Variants in LEFTY1 observed in about 807,000 individuals in gnomAD.
The protein encoded by LEFTY1 is left-right determination factor 1.
In LEFTY1, 18 loss-of-function variants were observed where a neutral mutation model predicts 22.6. The ratio of observed to expected loss-of-function variants is 0.80; its 90% CI spans 0.55 to 1.18. The LOEUF is 1.18. LEFTY1 is among the 50% of genes most tolerant of loss of function. LEFTY1 has a pLI of 0.00. For synonymous variants in LEFTY1, 201 were observed against 231.5 expected (o/e 0.87, Z 1.20); for missense variants, 414 against 495.4 (o/e 0.84, Z 1.56).
chr1:225,887,586 C>A lies in LEFTY1; in HGVS notation c.550G>T (p.Val184Leu). Residue 184 changes from valine (V) to leucine (L), a missense_variant, in exon 3 of 4, where the codon GTG becomes TTG. By Grantham distance (32) the Val-to-Leu change is conservative (BLOSUM62 1). Transcript: ENST00000272134. The part of the protein sequence containing the change: ...GWKAFDVTEA[V>L]NFWQQLSRPR... ...CGGCTCAGCTGCTGCCAGAAGTTCA[C>A]GGCCTCGGTCACGTCGAAGGCCTTC... 6.2e-7 allele frequency: 1 copy of A among 1,611,452 alleles called. No homozygotes were observed.
At position 225,889,041 on chromosome 1, in the gene LEFTY1, G is replaced by A. The variant is rs770751773; in HGVS notation, c.26C>T (p.Ala9Val). ...GCTGGCCAGGGGCAACACCCAGAGTGCCCAGCAGAGCCACAGGGGCTGCAT... is the reference window on the plus strand; with the variant it reads ...GCTGGCCAGGGGCAACACCCAGAGTACCCAGCAGAGCCACAGGGGCTGCAT... MQPLWLCW[A>V]LWVLPLASPG... The change falls in exon 1 of 4, where the codon GCA becomes GTA. Residue 9 changes from alanine (A) to valine (V), a missense_variant. Coordinates refer to ENST00000272134, the MANE Select transcript of LEFTY1 (RefSeq NM_020997.4). 3 of 1,485,002 alleles carry A rather than the reference G, an allele frequency of 2.0e-6. No individual in the cohort carries two copies. Among genetic ancestry groups the A allele is most frequent in the African/African-American group, 2.8e-5 (2 of 71,866 alleles). 92.0% of individuals were successfully genotyped at this position (1,485,002 alleles called of 1,614,324 possible). A position where few individuals can be genotyped will look rare whatever the true frequency, so the allele number is the denominator to read the frequency against.
In LEFTY1 at chr1:225,886,971, G is replaced by A. The variant is rs146082781; in HGVS notation, c.857C>T (p.Pro286Leu). The change falls in exon 4 of 4, where the codon CCG (proline) becomes CTG (leucine). Residue 286 changes from proline (P) to leucine (L), a missense_variant. Transcript: ENST00000272134. ...KWAENWVLEP[P>L]GFLAYECVGT... is the part of the protein sequence containing the mutation. ...CACACACTCATAAGCCAGGAAGCCC[G>A]GGGGCTCCAGCACCCAGTTCTCGGC... 6.8e-6 allele frequency: 11 copies of A among 1,611,374 alleles called. No individual in the cohort carries two copies. Among genetic ancestry groups the A allele is most frequent in the African/African-American group, 2.7e-5 (2 of 74,858 alleles).
rs1203157266 is a variant in LEFTY1, at chr1:225,886,858, G to T, written c.970C>A (p.Leu324Met). Residue 324 changes from leucine (L) to methionine (M), a missense_variant, in exon 4 of 4, where the codon CTG becomes ATG. Leu to Met is a conservative substitution (Grantham distance 15, BLOSUM62 2). This residue lies in a region of LEFTY1 where 398 missense variants were observed against 454.7 expected (regional missense o/e 0.88). Coordinates refer to ENST00000272134, the MANE Select transcript of LEFTY1 (RefSeq NM_020997.4). The part of the protein sequence containing the change: ...RQCIASETDS[L>M]PMIVSIKEGG... ...TCCTTGATGCTGACGATCATGGGCA[G>T]CGAGTCAGTCTCCGAGGCGATGCAC... 1 of 1,613,960 alleles carries T rather than the reference G, an allele frequency of 6.2e-7. No homozygotes were observed. Among genetic ancestry groups the T allele is most frequent in the Non-Finnish European group, 8.5e-7 (1 of 1,180,040 alleles).
At chr1:225,888,672 G>C in intron 1 of LEFTY1, 145 bp downstream of exon 1, 1 of 1,114,500 alleles carries the variant, frequency 9.0e-7, no homozygotes, top group South Asian at 1.6e-5. Context: ...TCACAGGCCC[G>C]GCCCCACCTC....
In LEFTY1 at chr1:225,887,883, C is replaced by G. The variant is rs765027290; in HGVS notation, c.400G>C (p.Gly134Arg). ...PVPKAALHRH[G>R]RLSPRSARAR... is the part of the protein sequence containing the mutation. Reference sequence around the variant, plus strand: ...CGGGCGCTGCGCGGGGACAGCCGCCCGTGCCTGTGCAGCGCGGCCTTGGGG... The same window carrying G: ...CGGGCGCTGCGCGGGGACAGCCGCCGGTGCCTGTGCAGCGCGGCCTTGGGG... The change falls in exon 2 of 4, where the codon GGG becomes CGG. Residue 134 changes from glycine (G) to arginine (R), a missense_variant. Coordinates refer to ENST00000272134, the MANE Select transcript of LEFTY1 (RefSeq NM_020997.4). 1.1e-4 allele frequency: 170 copies of G among 1,533,522 alleles called. No individual in the cohort carries two copies. Among genetic ancestry groups the G allele is most frequent in the Non-Finnish European group, 1.4e-4 (164 of 1,146,750 alleles). The allele number at this position is 1,533,522 out of a possible 1,614,324, so 95.0% of individuals were successfully genotyped here. A position where few individuals can be genotyped will look rare whatever the true frequency, so the allele number is the denominator to read the frequency against.
chr1:225,886,633 CCATCAGCAGTTCAGT>C lies in LEFTY1; in HGVS notation c.*79_*93del, dbSNP rs1671283217. 3.2e-6 allele frequency: 5 copies of C among 1,581,472 alleles called. No homozygotes were observed. The African/African-American group carries it at 5.4e-5, about 17-fold the overall frequency. ...TCACTAGAGAGCACAGAGCATTTGT[CCATCAGCAGTTCAGT>C]CATCGCCAGCTCTCCTGGTACCCTC... On this transcript the variant is annotated 3_prime_UTR_variant, in exon 4 of 4. Transcript: ENST00000272134.
rs1671339136 is a variant in LEFTY1, at chr1:225,888,825, C to T, written c.242G>A (p.Ser81Asn). The T allele has an allele frequency of 2.5e-6, 4 of 1,613,234 alleles. No homozygotes were observed. Among genetic ancestry groups the T allele is most frequent in the Non-Finnish European group, 3.4e-6 (4 of 1,179,790 alleles). The change falls in exon 1 of 4, where the codon AGC becomes AAC. Residue 81 changes from serine to asparagine, a missense_variant. This residue lies in a region of LEFTY1 where 398 missense variants were observed against 454.7 expected (regional missense o/e 0.88). Coordinates refer to ENST00000272134, the MANE Select transcript of LEFTY1 (RefSeq NM_020997.4). The part of the protein sequence containing the change: ...DRSRGKRFSQ[S>N]FREVAGRFLA... ...GGGAGGGAGGGCCTCACCTCGGAAGCTCTGGCTGAACCTCTTTCCGCGGGA... is the reference window on the plus strand; with the variant it reads ...GGGAGGGAGGGCCTCACCTCGGAAGTTCTGGCTGAACCTCTTTCCGCGGGA...
chr1:225,888,643 T>C (rs1324363600), intron 1 of LEFTY1, among the ~76,000 whole-genome samples, 174 bp downstream of exon 1: 3 of 152,178 alleles, frequency 2.0e-5, no homozygotes, highest in African/African-American at 7.2e-5. Flanking sequence ...CACCGCTGCA[T>C]GCTGAGGCCC....
rs148425461 is a variant in LEFTY1 at position 225,886,572 on chromosome 1, G to C, written c.*155C>G. On this transcript the variant is annotated 3_prime_UTR_variant, in exon 4 of 4. Coordinates refer to ENST00000272134, the MANE Select transcript of LEFTY1 (RefSeq NM_020997.4). The stretch of plus-strand genomic sequence containing the variant: ...TCTCATTCCTGAGAAGCAAAAATTA[G>C]GTGAGGTAACTTGTCAGAGGAAGCA... 1 of 1,428,466 alleles carries C rather than the reference G, an allele frequency of 7.0e-7. No individual in the cohort carries two copies. Among genetic ancestry groups the C allele is most frequent in the African/African-American group, 1.4e-5 (1 of 69,952 alleles). The allele number at this position is 1,428,466 out of a possible 1,614,324, so 88.5% of individuals were successfully genotyped here.
In LEFTY1 at chr1:225,886,935, C is replaced by T. The variant is rs61739581; in HGVS notation, c.893G>A (p.Arg298Gln). Residue 298 changes from arginine (R) to glutamine (Q), a missense_variant, in exon 4 of 4, where the codon CGG becomes CAG. Arg to Gln is a conservative substitution (Grantham distance 43). Transcript: ENST00000272134. Reference sequence around the variant, plus strand: ...GAAGGCCAGGGCCTCCGGGGGCTGCCGGCAGGTGCCCACACACTCATAAGC... The same window carrying T: ...GAAGGCCAGGGCCTCCGGGGGCTGCTGGCAGGTGCCCACACACTCATAAGC... The part of the protein sequence containing the change: ...FLAYECVGTC[R>Q]QPPEALAFKW... 19,011 of 1,613,620 alleles carry T rather than the reference C, an allele frequency of 0.012. 1,782 individuals are homozygous for T. The African/African-American group carries it at 0.21, about 18-fold the overall frequency.
chr1:225,888,679 C>T, intron 1 of LEFTY1, 138 bp downstream of exon 1: 2 of 1,195,706 alleles, frequency 1.7e-6, no homozygotes, highest in Non-Finnish European at 2.3e-6. Context: ...CCCGGCCCCA[C>T]CTCACTGCCC....
Position 225,888,811 on chromosome 1 carries a change from C to A in LEFTY1, c.250+6G>T, listed in dbSNP as rs1271081262. The A allele has an allele frequency of 1.2e-6, 2 of 1,612,866 alleles. No individual in the cohort carries two copies. The highest frequency in any genetic ancestry group is 1.7e-6 in the Non-Finnish European group (2 of 1,179,762). On this transcript the variant is annotated splice_donor_region_variant and intron_variant, in intron 1 of 3. Coordinates refer to ENST00000272134, the MANE Select transcript of LEFTY1 (RefSeq NM_020997.4). ...GACCAGGGGCAGCAGGGAGGGAGGG[C>A]CTCACCTCGGAAGCTCTGGCTGAAC... is the stretch of plus-strand genomic sequence containing the variant.
chr1:225,886,654 C>A lies in LEFTY1; in HGVS notation c.*73G>T. 6.2e-7 allele frequency: 1 copy of A among 1,600,776 alleles called. No individual in the cohort carries two copies. On this transcript the variant is annotated 3_prime_UTR_variant, in exon 4 of 4. Transcript: ENST00000272134. Reference sequence around the variant, plus strand: ...TTGTCCATCAGCAGTTCAGTCATCGCCAGCTCTCCTGGTACCCTCGAACAC... The same window carrying A: ...TTGTCCATCAGCAGTTCAGTCATCGACAGCTCTCCTGGTACCCTCGAACAC...
Position 225,887,648 on chromosome 1 carries a change from G to T in LEFTY1, c.498-10C>A. The T allele has an allele frequency of 6.2e-7, 1 of 1,612,210 alleles. No individual in the cohort carries two copies. The highest frequency in any genetic ancestry group is 8.5e-7 in the Non-Finnish European group (1 of 1,179,740). The stretch of plus-strand genomic sequence containing the variant: ...GTGGACGGACACCAGCCTGAGACAT[G>T]ACACAGAGACCCAGCGCCGCTTGAG... On this transcript the variant is annotated splice_polypyrimidine_tract_variant and intron_variant, in intron 2 of 3. Coordinates refer to ENST00000272134, the MANE Select transcript of LEFTY1 (RefSeq NM_020997.4).
chr1:225,887,218 A>C lies in LEFTY1; in HGVS notation c.738-128T>G, dbSNP rs544032291. The C allele has an allele frequency of 1.6e-5, 24 of 1,469,214 alleles. No individual in the cohort carries two copies. The African/African-American group carries it at 3.3e-4, about 20-fold the overall frequency. 91.0% of individuals were successfully genotyped at this position (1,469,214 alleles called of 1,614,324 possible). A position where few individuals can be genotyped will look rare whatever the true frequency, so the allele number is the denominator to read the frequency against. ...TGGATGTTTGTGATATAGGATGGAC[A>C]GCTAGAAATAACTTGAAAATTAATA... On this transcript the variant is annotated intron_variant, in intron 3 of 3. Transcript: ENST00000272134.
Position 225,887,434 on chromosome 1 carries a change from C to G in LEFTY1, c.702G>C (p.Gln234His). Residue 234 changes from glutamine (Q) to histidine (H), a missense_variant, in exon 3 of 4, where the codon CAG becomes CAC. Around this residue, in one of 2 missense-constraint regions of LEFTY1, gnomAD observed 398 missense variants for 454.7 expected, o/e 0.88. Coordinates refer to ENST00000272134, the MANE Select transcript of LEFTY1 (RefSeq NM_020997.4). ...QGAPAGLGEPQLELHTLDLGD... is the reference protein window; with the variant it reads ...QGAPAGLGEPHLELHTLDLGD... ...CAAGGTCCAGGGTGTGCAGCTCCAGCTGGGGCTCCCCAAGCCCGGCTGGCG... is the reference window on the plus strand; with the variant it reads ...CAAGGTCCAGGGTGTGCAGCTCCAGGTGGGGCTCCCCAAGCCCGGCTGGCG... The G allele has an allele frequency of 8.7e-6, 14 of 1,613,518 alleles. No individual in the cohort carries two copies. Among genetic ancestry groups the G allele is most frequent in the Non-Finnish European group, 1.2e-5 (14 of 1,179,886 alleles).
chr1:225,887,705 G>T (rs1282306461), intron 2 of LEFTY1, 67 bp from the exon 3 acceptor site: 2 of 1,574,366 alleles, frequency 1.3e-6, no homozygotes, highest in Non-Finnish European at 1.7e-6. Context: ...CGAGGACCCC[G>T]CACCGCCCCC....
At position 225,886,736 on chromosome 1, in the gene LEFTY1, G is replaced by A; in HGVS notation, c.1092C>T (p.Leu364=). 6.2e-7 allele frequency: 1 copy of A among 1,613,578 alleles called. No homozygotes were observed. The highest frequency in any genetic ancestry group is 8.5e-7 in the Non-Finnish European group (1 of 1,180,042). ...ASDGALVPRR[L]QP ...TGGCTACACTAGGCGCCTATGGCTG[G>A]AGCCTCCTTGGCACGAGCGCACCAT... The change falls in exon 4 of 4, where the codon CTC becomes CTT. Residue 364 remains leucine (L), a synonymous_variant. Transcript: ENST00000272134.
rs2102656660 is a variant in LEFTY1 at position 225,886,593 on chromosome 1, A to C, written c.*134T>G. 6.7e-7 allele frequency: 1 copy of C among 1,496,890 alleles called. No homozygotes were observed. The highest frequency in any genetic ancestry group is 1.4e-5 in the African/African-American group (1 of 71,822). 92.7% of individuals were successfully genotyped at this position (1,496,890 alleles called of 1,614,324 possible). ...ATTAGGTGAGGTAACTTGTCAGAGG[A>C]AGCAAATTCAGGGCTCACTAGAGAG... is the stretch of plus-strand genomic sequence containing the variant. On this transcript the variant is annotated 3_prime_UTR_variant, in exon 4 of 4. Coordinates refer to ENST00000272134, the MANE Select transcript of LEFTY1 (RefSeq NM_020997.4).
Sources: allele counts gnomAD v4.1 joint callset (sites outside exome capture counted in the v4.1 genomes callset), GRCh38; gene constraint gnomAD v4.1.1; regional missense constraint gnomAD v4.1.1; transcripts MANE v1.5; gene names NCBI Gene and HGNC (gene_info 2026-07-23, HGNC 2026-07-21).